BFAR: variants seen among roughly 807,000 people sequenced by gnomAD.
BFAR encodes bifunctional apoptosis regulator.
BFAR carries 52 observed loss-of-function variants against 54.4 expected under a neutral mutation model. That is an observed-to-expected ratio of 0.96 (90% confidence interval 0.77 to 1.21). The LOEUF is 1.21. Among genes scored for constraint, BFAR ranks in the 50% most tolerant of loss-of-function variants. The probability of loss-of-function intolerance (pLI) is 0.00; values close to 1 mark genes in which losing one functional copy is unlikely to be tolerated. For synonymous variants in BFAR, 215 were observed against 204.3 expected, an observed-to-expected ratio of 1.05 and a Z score of -0.45; for missense variants, 571 against 534.0, an observed-to-expected ratio of 1.07 and a Z score of -0.68.
intron 4 of BFAR, among the ~76,000 whole-genome samples, chr16:14,652,426 G>A (rs532394683): frequency 2.1e-3 from 319 of 151,360 alleles, no homozygotes; most frequent in Middle Eastern, 6.8e-3. Context: ...GATTATAGGC[G>A]CCTGCCATCA....
Position 14,664,892 on chromosome 16 carries a change from G to A in BFAR, c.981G>A (p.Lys327=), listed in dbSNP as rs1204981282. 1 of 1,613,840 alleles carries A rather than the reference G, an allele frequency of 6.2e-7. No homozygotes were observed. The highest frequency in any genetic ancestry group is 8.5e-7 in the Non-Finnish European group (1 of 1,179,882). The part of the protein sequence containing the change: ...KLLDLKEPTW[K]QWREFLVKYS... ...AGGATCTTAAGGAGCCTACGTGGAA[G>A]CAGTGGAGAGAGTTCCTGGTCAAAT... Residue 327 remains lysine, a synonymous_variant, in exon 7 of 8, where the codon AAG becomes AAA. Transcript: ENST00000261658.
chr16:14,658,907 GA>G (rs768301872), intron 5 of BFAR, among the ~76,000 whole-genome samples: 2 of 150,400 alleles, frequency 1.3e-5, no homozygotes, highest in Non-Finnish European at 3.0e-5. Flanking sequence ...TAGTAATTAT[GA>G]TTTTTTTTTT....
intron 1 of BFAR, among the ~76,000 whole-genome samples, chr16:14,643,045 G>T (rs1327537393): frequency 6.6e-6 from 1 of 152,110 alleles, no homozygotes; most frequent in Non-Finnish European, 1.5e-5. Flanking sequence ...AGATGTGGTG[G>T]CTCATACCTG....
intron 5 of BFAR, among the ~76,000 whole-genome samples, chr16:14,660,014 T>C (rs1311278595): frequency 6.6e-6 from 1 of 152,228 alleles, no homozygotes; most frequent in East Asian, 1.9e-4. Flanking sequence ...AAGTGTACGA[T>C]GTGATAAGTT....
chr16:14,658,725 T>G (rs1030617661), intron 5 of BFAR, among the ~76,000 whole-genome samples: 1 of 147,574 alleles, frequency 6.8e-6, no homozygotes, highest in African/African-American at 2.5e-5. Context: ...AGACCGAGAC[T>G]CCATCTGAAA....
Position 14,648,602 on chromosome 16 carries a change from T to C in BFAR, c.468+10T>C. 1 of 1,608,144 alleles carries C rather than the reference T, an allele frequency of 6.2e-7. No individual in the cohort carries two copies. Among genetic ancestry groups the C allele is most frequent in the South Asian group, 1.1e-5 (1 of 90,892 alleles). On this transcript the variant is annotated intron_variant, in intron 3 of 7. Coordinates refer to ENST00000261658, the MANE Select transcript of BFAR (RefSeq NM_016561.3). Reference sequence around the variant, plus strand: ...TTTAACTGGAGTGGCAGTAAGTTGATCACTGTGTTCCTCTGTGCCCCCCCA... The same window carrying C: ...TTTAACTGGAGTGGCAGTAAGTTGACCACTGTGTTCCTCTGTGCCCCCCCA...
At chr16:14,655,025 G>A (rs1165143999) in intron 4 of BFAR, 41 bp from the exon 5 acceptor site, 1 of 1,557,122 alleles carries the variant, frequency 6.4e-7, no homozygotes, top group East Asian at 2.3e-5. Flanking sequence ...TTTGCTTCCA[G>A]TATATAATCG....
intron 4 of BFAR, among the ~76,000 whole-genome samples, chr16:14,653,636 G>A (rs1239099583): frequency 6.6e-6 from 1 of 151,980 alleles, no homozygotes; most frequent in Non-Finnish European, 1.5e-5. Context: ...CAGAATTTGT[G>A]TTTTCTGATG....
intron 2 of BFAR, among the ~76,000 whole-genome samples, chr16:14,647,692 A>AG (rs1399557919): frequency 6.6e-6 from 1 of 151,646 alleles, no homozygotes; most frequent in Non-Finnish European, 1.5e-5. Flanking sequence ...AAAAAAAAAA[A>AG]CAAGTGCCAA....
In BFAR at chr16:14,659,233, TG is replaced by T. The variant is rs1365040120; in HGVS notation, c.784-2658del. Among the ~76,000 whole-genome samples, 39 of 148,484 alleles carry T rather than the reference TG, an allele frequency of 2.6e-4. 1 individual carries two copies. The highest frequency in any genetic ancestry group is 4.3e-4 in the South Asian group (2 of 4,680). ...CTGTAGTATGCAATTTGGTTTTTTT[TG>T]TTTTTTTTTGTTTTTTGTTTTTTTT... On this transcript the variant is annotated intron_variant, in intron 5 of 7. Transcript: ENST00000261658.
intron 4 of BFAR, among the ~76,000 whole-genome samples, chr16:14,654,371 TAAATAA>T (rs1193042411): frequency 6.6e-6 from 1 of 150,628 alleles, no homozygotes; most frequent in African/African-American, 2.4e-5. Flanking sequence ...TATAAAAAAA[TAAATAA>T]AAATAGAGTA....
intron 6 of BFAR, among the ~76,000 whole-genome samples, chr16:14,664,305 C>G (rs1960374995): frequency 6.7e-6 from 1 of 149,062 alleles, no homozygotes; most frequent in African/African-American, 2.5e-5. Context: ...ACAGGAGAAT[C>G]ACTTGAACCC....
In BFAR at chr16:14,645,056, G is replaced by A. The variant is rs147387419; in HGVS notation, c.263+447G>A. Among the ~76,000 whole-genome samples the A allele has an allele frequency of 9.3e-3, 1,415 of 152,310 alleles. 24 individuals are homozygous for A. The highest frequency in any genetic ancestry group is 0.032 in the African/African-American group (1,326 of 41,558). ...AAGGCCAGACCAGTGGCTCACGCCT[G>A]TAATCCCAACACTTTCAGAGGCTGA... On this transcript the variant is annotated intron_variant, in intron 2 of 7. Transcript: ENST00000261658.
intron 2 of BFAR, among the ~76,000 whole-genome samples, chr16:14,647,851 A>G (rs1438004786): frequency 1.3e-5 from 2 of 152,206 alleles, no homozygotes; most frequent in Admixed American, 1.3e-4. Context: ...GTGATACTTC[A>G]TTGTATGAAT....
At chr16:14,654,564 G>C (rs573464535) in intron 4 of BFAR, among the ~76,000 whole-genome samples, 1 of 145,604 alleles carries the variant, frequency 6.9e-6, no homozygotes, top group East Asian at 2.1e-4. Context: ...CTGGAGGGCA[G>C]TGACGAGATC....
rs550457289 is a variant in BFAR, at chr16:14,656,651, C to T, written c.783+1441C>T. Among the ~76,000 whole-genome samples, 23 of 152,126 alleles carry T rather than the reference C, an allele frequency of 1.5e-4. 1 individual carries two copies. Among genetic ancestry groups the T allele is most frequent in the East Asian group, 3.9e-4 (2 of 5,180 alleles). Reference sequence around the variant, plus strand: ...TTGTGAGACTCCAATGTTTGATTAACGGAAAGTTGTTAAACAAGTTATTCA... The same window carrying T: ...TTGTGAGACTCCAATGTTTGATTAATGGAAAGTTGTTAAACAAGTTATTCA... On this transcript the variant is annotated intron_variant, in intron 5 of 7. Transcript: ENST00000261658.
intron 4 of BFAR, among the ~76,000 whole-genome samples, chr16:14,651,590 C>T (rs754579950): frequency 2.6e-5 from 4 of 152,080 alleles, no homozygotes; most frequent in Non-Finnish European, 4.4e-5. Flanking sequence ...TCAAGGAGTC[C>T]TACCTCAGCC....
At chr16:14,644,227 AAAC>A in intron 1 of BFAR, 44 bp from the exon 2 acceptor site, 1 of 1,064,622 alleles carries the variant, frequency 9.4e-7, no homozygotes, top group Non-Finnish European at 1.4e-6. Context: ...ACTGCTCTTC[AAAC>A]AACTACTATT....
chr16:14,658,964 A>G (rs1960205047), intron 5 of BFAR, among the ~76,000 whole-genome samples: 1 of 150,854 alleles, frequency 6.6e-6, no homozygotes, highest in Non-Finnish European at 1.5e-5. Context: ...CTGGAGTGCA[A>G]TGGCGCGATC....
Sources: gnomAD v4.1 joint callset for allele counts (sites outside exome capture counted in the v4.1 genomes callset) on GRCh38, gnomAD v4.1.1 for gene constraint, MANE v1.5 for transcripts, NCBI Gene and HGNC (gene_info 2026-07-23, HGNC 2026-07-21) for gene names.